Variants in ZFPM1 observed in about 807,000 individuals in gnomAD.
ZFPM1 encodes the protein zinc finger protein, FOG family member 1.
In ZFPM1, 28 loss-of-function variants were observed where a neutral mutation model predicts 46.3. The ratio of observed to expected loss-of-function variants is 0.60; its 90% CI spans 0.45 to 0.83. The LOEUF is 0.83. Ranked by LOEUF, ZFPM1 falls within the 40% of genes least tolerant of loss-of-function variation. The pLI, the probability that ZFPM1 is intolerant of heterozygous loss-of-function variation, is 0.00. For missense variants in ZFPM1, 1,878 were observed against 1,432.4 expected (o/e 1.31, Z -5.02); for synonymous variants, 957 against 675.9 (o/e 1.42, Z -6.45).
Position 88,534,956 on chromosome 16 carries a change from C to T in ZFPM1, c.2998C>T (p.His1000Tyr). 6.6e-7 allele frequency: 1 copy of T among 1,505,884 alleles called. No individual in the cohort carries two copies. The highest frequency in any genetic ancestry group is 2.7e-5 in the East Asian group (1 of 37,318). 93.3% of individuals were successfully genotyped at this position (1,505,884 alleles called of 1,614,324 possible). A position where few individuals can be genotyped will look rare whatever the true frequency, so the allele number is the denominator to read the frequency against. The change falls in exon 10 of 10, where the codon CAC (histidine) becomes TAC (tyrosine). Residue 1000 changes from histidine (H) to tyrosine (Y), a missense_variant. Coordinates refer to ENST00000319555, the MANE Select transcript of ZFPM1 (RefSeq NM_153813.3). ...IAHKKYYCSSHAAEHVK is the reference protein window; with the variant it reads ...IAHKKYYCSSYAAEHVK ...CCACAAGAAGTATTACTGCTCCTCG[C>T]ACGCCGCCGAGCACGTGAAGTGAGC...
intron 1 of ZFPM1, among the ~76,000 whole-genome samples, chr16:88,476,297 C>T (rs1908682703): frequency 6.6e-6 from 1 of 152,220 alleles, no homozygotes; most frequent in Non-Finnish European, 1.5e-5. Flanking sequence ...AAGCCAGCCA[C>T]ACCCCACCAG....
intron 3 of ZFPM1, among the ~76,000 whole-genome samples, chr16:88,503,505 G>A (rs191274287): frequency 1.8e-4 from 27 of 151,148 alleles, no homozygotes; most frequent in Admixed American, 1.3e-3. Flanking sequence ...GGGAGGGGCC[G>A]GCCTGTTCTG....
At chr16:88,461,324 C>G (rs1357010651) in intron 1 of ZFPM1, among the ~76,000 whole-genome samples, 1 of 152,002 alleles carries the variant, frequency 6.6e-6, no homozygotes, top group Admixed American at 6.5e-5. Flanking sequence ...CAGGTTCCCA[C>G]CCCATCCCCA....
intron 1 of ZFPM1, among the ~76,000 whole-genome samples, chr16:88,455,814 G>A (rs771581189): frequency 6.6e-6 from 1 of 152,140 alleles, no homozygotes; most frequent in Non-Finnish European, 1.5e-5. Flanking sequence ...CGCGGCCTTG[G>A]CCGGCCAGAT....
rs115741425 is a variant in ZFPM1, at chr16:88,479,504, C to T, written c.41-6435C>T. On this transcript the variant is annotated intron_variant, in intron 1 of 9. Transcript: ENST00000319555. ...GCCTGGGCCCCAGTCACCTTGCGCT[C>T]CCATAGCGTGGCCTCAACAGAGCGA... 9.2e-3 allele frequency among the ~76,000 whole-genome samples: 1,407 copies of T among 152,242 alleles called. 30 individuals carry two copies. The highest frequency in any genetic ancestry group is 0.032 in the African/African-American group (1,342 of 41,526).
At chr16:88,517,242 GTGGATGGA>G (rs1555527342) in intron 4 of ZFPM1, among the ~76,000 whole-genome samples, 4 of 56,890 alleles carry the variant, frequency 7.0e-5, no homozygotes, top group Non-Finnish European at 1.5e-4. Context: ...GGGTGGGTGG[GTGGATGGA>G]TGGATGGATG....
At chr16:88,518,745 A>ATGGATGGATGGATGGCTGAGAGGG in intron 4 of ZFPM1, among the ~76,000 whole-genome samples, 1 of 94,040 alleles carries the variant, frequency 1.1e-5, no homozygotes, top group African/African-American at 3.9e-5. Context: ...GGGTGGATGG[A>ATGGATGGATGGATGGCTGAGAGGG]TGGATGGATG....
Position 88,534,248 on chromosome 16 carries a change from C to A in ZFPM1, c.2290C>A (p.Pro764Thr). 1.9e-6 allele frequency: 2 copies of A among 1,029,332 alleles called. No individual in the cohort carries two copies. The highest frequency in any genetic ancestry group is 2.3e-6 in the Non-Finnish European group (2 of 862,948). 63.8% of individuals were successfully genotyped at this position (1,029,332 alleles called of 1,614,324 possible). A position where few individuals can be genotyped will look rare whatever the true frequency, so the allele number is the denominator to read the frequency against. Residue 764 changes from proline (P) to threonine (T), a missense_variant, in exon 10 of 10, where the codon CCC (proline) becomes ACC (threonine). By Grantham distance (38) the Pro-to-Thr change is conservative (BLOSUM62 -1). Coordinates refer to ENST00000319555, the MANE Select transcript of ZFPM1 (RefSeq NM_153813.3). ...GCCCCCCCCGCCGCCCGGCCACGCC[C>A]CCGCGCCCGAGTCGCCGCGGCCCGG... ...APPPPPPGHAPAPESPRPGSG... is the reference protein window; with the variant it reads ...APPPPPPGHATAPESPRPGSG...
rs957612003 is a variant in ZFPM1, at chr16:88,514,235, C to A, written c.269-152C>A. 1.4e-5 allele frequency: 19 copies of A among 1,333,888 alleles called. No homozygotes were observed. The East Asian group carries it at 4.3e-4, about 30-fold the overall frequency. The allele number at this position is 1,333,888 out of a possible 1,614,324, so 82.6% of individuals were successfully genotyped here. On this transcript the variant is annotated intron_variant, in intron 3 of 9. Transcript: ENST00000319555. ...AGATCTTGCTGCAGGGCTGCCCAGG[C>A]CCCTGGGACCCAGCACCTGCCCGGC...
chr16:88,461,136 GACCT>G lies in ZFPM1; in HGVS notation c.40+7459_40+7462del, dbSNP rs1174045997. ...GTGAGGACCCAGGGATGGGGCGGGA[GACCT>G]GGTGAGGACCGAGGGGCGGGAGACC... On this transcript the variant is annotated intron_variant, in intron 1 of 9. Coordinates refer to ENST00000319555, the MANE Select transcript of ZFPM1 (RefSeq NM_153813.3). 1.9e-4 allele frequency among the ~76,000 whole-genome samples: 23 copies of G among 121,440 alleles called. 1 individual carries two copies. Among genetic ancestry groups the G allele is most frequent in the Non-Finnish European group, 2.7e-4 (16 of 60,294 alleles). The allele number at this position is 121,440 out of a possible 152,430, so 79.7% of individuals were successfully genotyped here.
At chr16:88,498,130 C>T (rs1411546438) in intron 3 of ZFPM1, among the ~76,000 whole-genome samples, 1 of 152,032 alleles carries the variant, frequency 6.6e-6, no homozygotes. Context: ...AGAGACCAGA[C>T]CCAGTGCTGG....
At chr16:88,499,543 G>T (rs916779445) in intron 3 of ZFPM1, among the ~76,000 whole-genome samples, 1 of 152,230 alleles carries the variant, frequency 6.6e-6, no homozygotes, top group Non-Finnish European at 1.5e-5. Context: ...CGTGGACAGG[G>T]CGGAGCCTGG....
chr16:88,474,152 C>T (rs1908559436), intron 1 of ZFPM1, among the ~76,000 whole-genome samples: 1 of 152,226 alleles, frequency 6.6e-6, no homozygotes, highest in Non-Finnish European at 1.5e-5. Context: ...CCCTATCAGC[C>T]GGGCTGGGCT....
At chr16:88,518,432 GTGGATGCA>G (rs1911503167) in intron 4 of ZFPM1, among the ~76,000 whole-genome samples, 1 of 140,860 alleles carries the variant, frequency 7.1e-6, no homozygotes, top group African/African-American at 2.5e-5. Context: ...GGGTGGATGG[GTGGATGCA>G]TGGATAGATG....
intron 2 of ZFPM1, among the ~76,000 whole-genome samples, chr16:88,488,464 A>G (rs1374594952): frequency 6.6e-6 from 1 of 152,238 alleles, no homozygotes; most frequent in African/African-American, 2.4e-5. Context: ...GATGCCAGCC[A>G]CTTTGATTTA....
intron 9 of ZFPM1, 97 bp from the exon 10 acceptor site, chr16:88,533,051 T>TTCCCCCCC: frequency 3.0e-6 from 4 of 1,351,638 alleles, no homozygotes; most frequent in Non-Finnish European, 4.0e-6. Context: ...TCTAAACCAC[T>TTCCCCCCC]CCCGCCCACC....
At chr16:88,454,269 G>A (rs1311139195) in intron 1 of ZFPM1, among the ~76,000 whole-genome samples, 2 of 152,182 alleles carry the variant, frequency 1.3e-5, no homozygotes. Context: ...ACAGGGGAGG[G>A]GGTAGCGCGC....
rs192570019 is a variant in ZFPM1, at chr16:88,517,325, G to A, written c.402+2805G>A. Among the ~76,000 whole-genome samples, 287 of 150,422 alleles carry A rather than the reference G, an allele frequency of 1.9e-3. 1 individual carries two copies. The highest frequency in any genetic ancestry group is 6.5e-3 in the African/African-American group (266 of 40,934). ...GGATGGACAGATGGATGAGTGGGTC[G>A]GTGGGTGGGTAGGTGGGTGGATGGA... On this transcript the variant is annotated intron_variant, in intron 4 of 9. Transcript: ENST00000319555.
intron 3 of ZFPM1, among the ~76,000 whole-genome samples, chr16:88,499,318 T>C (rs61050482): frequency 0.06 from 9,092 of 152,322 alleles, 313 homozygotes; most frequent in South Asian, 0.12. Flanking sequence ...GCACAAGCTA[T>C]GTGCCAGCCC....
Sources: allele counts gnomAD v4.1 joint callset (sites outside exome capture counted in the v4.1 genomes callset), GRCh38; gene constraint gnomAD v4.1.1; transcripts MANE v1.5; gene names NCBI Gene and HGNC (gene_info 2026-07-23, HGNC 2026-07-21).